Variants in ACOT12 observed in about 807,000 individuals in gnomAD.
The protein encoded by ACOT12 is acetyl-coenzyme A thioesterase.
In ACOT12, 51 loss-of-function variants were observed where a neutral mutation model predicts 67.7. That is an observed-to-expected ratio of 0.75 (90% CI 0.60 to 0.95). The LOEUF is 0.95. Ranked by LOEUF, ACOT12 falls within the 40% of genes least tolerant of loss-of-function variation. The probability of loss-of-function intolerance (pLI) is 0.00; values close to 1 mark genes in which losing one functional copy is unlikely to be tolerated. For missense variants in ACOT12, 734 were observed against 708.1 expected (o/e 1.04, Z -0.41); for synonymous variants, 251 against 244.6 (o/e 1.03, Z -0.24).
At chr5:81,371,939 G>A (rs1760267830) in intron 2 of ACOT12, 129 bp from the exon 3 acceptor site, 17 of 730,144 alleles carry the variant, frequency 2.3e-5, no homozygotes, top group South Asian at 1.2e-4. Context: ...TCATGCATGC[G>A]AAATTCAGGT....
intron 5 of ACOT12, among the ~76,000 whole-genome samples, chr5:81,352,251 C>T (rs1288068925): frequency 6.6e-6 from 1 of 152,204 alleles, no homozygotes. Flanking sequence ...AATCCCATTG[C>T]TGGGTATACA....
At chr5:81,308,641 G>A in the ACOT12 span, 3 of 1,613,956 alleles carry the variant, frequency 1.9e-6, no homozygotes, top group Non-Finnish European at 2.5e-6. Flanking sequence ...TGGGCACTGG[G>A]ATATGTTACA....
intron 13 of ACOT12, 41 bp from the exon 14 acceptor site, chr5:81,330,981 A>C (rs766941416): frequency 6.5e-7 from 1 of 1,532,618 alleles, no homozygotes; most frequent in Non-Finnish European, 8.8e-7. Flanking sequence ...AGAAATAAAG[A>C]ATAGTTGTTA....
the ACOT12 span, chr5:81,311,424 T>A: frequency 1.1e-6 from 1 of 875,992 alleles, no homozygotes; most frequent in Non-Finnish European, 1.8e-6. Flanking sequence ...TTAATCTCTG[T>A]CAGCAATAGA....
At chr5:81,317,093 G>A in the ACOT12 span, among the ~76,000 whole-genome samples, 1 of 151,812 alleles carries the variant, frequency 6.6e-6, no homozygotes, top group Non-Finnish European at 1.5e-5. Context: ...TTTTATTCTT[G>A]TGTTTTTGGT....
In ACOT12 at chr5:81,344,998, A is replaced by G. The variant is rs1759331846; in HGVS notation, c.817T>C (p.Trp273Arg). The change falls in exon 8 of 15, where the codon TGG (tryptophan) becomes CGG (arginine). Residue 273 changes from tryptophan (W) to arginine (R), a missense_variant. Transcript: ENST00000307624. ...VRVEAFDCQE[W>R]AEGRGRHINS... is the part of the protein sequence containing the mutation. ...ATGTGACGCCCTCGGCCCTCGGCCC[A>G]TTCCTGACAGTCAAAGGCCTCCACG... The G allele has an allele frequency of 6.2e-7, 1 of 1,614,182 alleles. No homozygotes were observed. The highest frequency in any genetic ancestry group is 8.5e-7 in the Non-Finnish European group (1 of 1,180,022).
chr5:81,368,217 G>A (rs1009355747), intron 3 of ACOT12, among the ~76,000 whole-genome samples: 1 of 152,050 alleles, frequency 6.6e-6, no homozygotes, highest in Admixed American at 6.6e-5. Context: ...ACTTGAACCC[G>A]GGAGGCGGAG....
rs567245704 is a variant in ACOT12, at chr5:81,378,922, C to T, written c.197+6835G>A. ...TCAACCATTGTGGAAGACAACGTGG[C>T]GATTCCTCAAGGATCTAGAACTAGA... is the stretch of plus-strand genomic sequence containing the variant. On this transcript the variant is annotated intron_variant, in intron 2 of 14. Coordinates refer to ENST00000307624, the MANE Select transcript of ACOT12 (RefSeq NM_130767.3). Among the ~76,000 whole-genome samples, 154 of 152,232 alleles carry T rather than the reference C, an allele frequency of 1.0e-3. 2 individuals carry two copies. Among genetic ancestry groups the T allele is most frequent in the Non-Finnish European group, 1.7e-3 (119 of 68,018 alleles).
chr5:81,353,420 G>A (rs1759614260), intron 5 of ACOT12, among the ~76,000 whole-genome samples: 1 of 152,170 alleles, frequency 6.6e-6, no homozygotes, highest in African/African-American at 2.4e-5. Flanking sequence ...TACTTTGGAT[G>A]TTCTTAAAGT....
chr5:81,356,061 G>T (rs190876076), intron 5 of ACOT12, among the ~76,000 whole-genome samples: 15 of 151,828 alleles, frequency 9.9e-5, no homozygotes, highest in Admixed American at 3.3e-4. Context: ...CCCACCCCCC[G>T]CATCCTTGTA....
chr5:81,310,598 G>A, the ACOT12 span, among the ~76,000 whole-genome samples: 9 of 152,152 alleles, frequency 5.9e-5, no homozygotes, highest in Non-Finnish European at 1.3e-4. Flanking sequence ...TGATCATTAA[G>A]TGAAACACTT....
At chr5:81,345,461 G>T (rs1759351184) in intron 7 of ACOT12, among the ~76,000 whole-genome samples, 1 of 151,898 alleles carries the variant, frequency 6.6e-6, no homozygotes, top group Non-Finnish European at 1.5e-5. Context: ...CATTTAAAAA[G>T]AAAATAATAC....
Position 81,344,570 on chromosome 5 carries a change from T to C in ACOT12, c.924+321A>G, listed in dbSNP as rs1480753737. ...GGGAAAGATATGGTTTCCATGAACC[T>C]GGCACGTGGCACAGCATCAAGAGCT... On this transcript the variant is annotated intron_variant, in intron 8 of 14. Coordinates refer to ENST00000307624, the MANE Select transcript of ACOT12 (RefSeq NM_130767.3). Among the ~76,000 whole-genome samples, 3 of 152,196 alleles carry C rather than the reference T, an allele frequency of 2.0e-5. No individual in the cohort carries two copies. In the East Asian group the frequency reaches 5.8e-4, roughly 29 times the overall value.
At chr5:81,383,793 A>G (rs1269806438) in intron 2 of ACOT12, among the ~76,000 whole-genome samples, 1 of 152,112 alleles carries the variant, frequency 6.6e-6, no homozygotes, top group Admixed American at 6.5e-5. Flanking sequence ...TAAGGTAAGG[A>G]CATAAAGAAA....
chr5:81,314,146 C>T, the ACOT12 span, among the ~76,000 whole-genome samples: 2 of 151,992 alleles, frequency 1.3e-5, no homozygotes, highest in Admixed American at 1.3e-4. Flanking sequence ...ACTCTGTCAC[C>T]CAGGCTAGAG....
chr5:81,367,950 T>A (rs1200179636), intron 3 of ACOT12, among the ~76,000 whole-genome samples: 2 of 151,944 alleles, frequency 1.3e-5, no homozygotes, highest in African/African-American at 2.4e-5. Flanking sequence ...AAACCAGAGA[T>A]AAAAAGGCAA....
intron 12 of ACOT12, among the ~76,000 whole-genome samples, chr5:81,333,640 G>A (rs1259804200): frequency 6.6e-6 from 1 of 152,276 alleles, no homozygotes; most frequent in South Asian, 2.1e-4. Context: ...CAAAGTTTAG[G>A]CATTGTTATT....
intron 5 of ACOT12, among the ~76,000 whole-genome samples, chr5:81,358,815 C>T (rs1429962534): frequency 6.6e-6 from 1 of 151,746 alleles, no homozygotes. Flanking sequence ...CACCATTGCA[C>T]TCCAGCCTGG....
At chr5:81,374,656 T>C (rs1760354186) in intron 2 of ACOT12, among the ~76,000 whole-genome samples, 1 of 152,106 alleles carries the variant, frequency 6.6e-6, no homozygotes, top group African/African-American at 2.4e-5. Context: ...AATGACCTGA[T>C]GGAGCTGAAA....
Sources: allele counts gnomAD v4.1 joint callset (sites outside exome capture counted in the v4.1 genomes callset), GRCh38; gene constraint gnomAD v4.1.1; transcripts MANE v1.5; gene names NCBI Gene and HGNC (gene_info 2026-07-23, HGNC 2026-07-21).